Variants in CCDC91 observed in about 807,000 individuals in gnomAD.
The protein encoded by CCDC91 is coiled-coil domain-containing protein 91.
In CCDC91, 48 loss-of-function variants were observed where a neutral mutation model predicts 63.2. That is an observed-to-expected ratio of 0.76 (90% CI 0.60 to 0.97). The LOEUF (loss-of-function observed/expected upper bound fraction) is 0.97. CCDC91 is among the 50% of genes least tolerant of loss of function. CCDC91 has a pLI of 0.00. For missense variants in CCDC91, 500 were observed against 494.6 expected (o/e 1.01, Z -0.10); for synonymous variants, 167 against 165.8 (o/e 1.01, Z -0.06).
intron 7 of CCDC91, among the ~76,000 whole-genome samples, chr12:28,387,912 A>G (rs1328444755): frequency 6.6e-6 from 1 of 152,142 alleles, no homozygotes; most frequent in African/African-American, 2.4e-5. Context: ...CAGTAGTGGT[A>G]TTGCTGGATC....
At position 28,337,004 on chromosome 12, in the gene CCDC91, G is replaced by A. The variant is rs552148782; in HGVS notation, c.577-25434G>A. 3.3e-5 allele frequency among the ~76,000 whole-genome samples: 5 copies of A among 152,118 alleles called. No homozygotes were observed. In the South Asian group the frequency reaches 1.0e-3, roughly 32 times the overall value. On this transcript the variant is annotated intron_variant, in intron 6 of 12. Transcript: ENST00000536442. ...CTATAATAAAATTGTCAATAGCTCT[G>A]TGTTTCATCCTGATGATATGCAAAA...
At chr12:28,416,926 C>A (rs1432924514) in intron 8 of CCDC91, among the ~76,000 whole-genome samples, 3 of 152,076 alleles carry the variant, frequency 2.0e-5, no homozygotes, top group Non-Finnish European at 2.9e-5. Flanking sequence ...GAATTGACCA[C>A]TTCCTATTGG....
At chr12:28,201,516 C>T (rs5747454) in intron 1 of CCDC91, among the ~76,000 whole-genome samples, 9 of 136,964 alleles carry the variant, frequency 6.6e-5, no homozygotes, top group East Asian at 4.0e-4. Flanking sequence ...GGATGGCGGC[C>T]GGGCAGAGAC....
chr12:28,370,447 C>T (rs1458037404), intron 7 of CCDC91, among the ~76,000 whole-genome samples: 2 of 152,186 alleles, frequency 1.3e-5, no homozygotes, highest in Admixed American at 6.5e-5. Context: ...ACCACCTCAG[C>T]GTGGGCTTCA....
intron 11 of CCDC91, among the ~76,000 whole-genome samples, chr12:28,463,136 G>A (rs117144616): frequency 0.016 from 2,437 of 152,260 alleles, 39 homozygotes; most frequent in South Asian, 0.095. Flanking sequence ...GTGAACTACA[G>A]AAATATGTCA....
intron 12 of CCDC91, among the ~76,000 whole-genome samples, chr12:28,539,525 T>G (rs530162304): frequency 6.6e-6 from 1 of 152,320 alleles, no homozygotes; most frequent in East Asian, 1.9e-4. Context: ...TAGTATAGTT[T>G]GAAGTCAGGT....
chr12:28,258,722 T>C (rs1376062717), intron 2 of CCDC91, among the ~76,000 whole-genome samples: 1 of 151,992 alleles, frequency 6.6e-6, no homozygotes, highest in Non-Finnish European at 1.5e-5. Flanking sequence ...AGAATACACA[T>C]TGAAATTCTG....
chr12:28,440,599 G>T (rs569036315), intron 8 of CCDC91, among the ~76,000 whole-genome samples: 1 of 152,220 alleles, frequency 6.6e-6, no homozygotes, highest in Admixed American at 6.5e-5. Context: ...TTGAAAACTT[G>T]AAAACTTCTG....
intron 12 of CCDC91, among the ~76,000 whole-genome samples, chr12:28,526,540 G>A (rs192536048): frequency 8.6e-4 from 130 of 152,044 alleles, no homozygotes; most frequent in Non-Finnish European, 3.7e-4. Context: ...TTAAAATTCT[G>A]TCCTCCATCT....
At chr12:28,268,089 A>G (rs1425894033) in intron 3 of CCDC91, among the ~76,000 whole-genome samples, 2 of 149,084 alleles carry the variant, frequency 1.3e-5, no homozygotes, top group Non-Finnish European at 3.0e-5. Context: ...TTTGAGACAG[A>G]GTCTTGCTCT....
chr12:28,204,812 A>G (rs372640073), intron 1 of CCDC91, among the ~76,000 whole-genome samples: 1 of 152,210 alleles, frequency 6.6e-6, no homozygotes, highest in Non-Finnish European at 1.5e-5. Context: ...ATTCTTCTGT[A>G]GCGTCTAGTT....
At chr12:28,271,790 T>C (rs941005789) in intron 3 of CCDC91, among the ~76,000 whole-genome samples, 8 of 151,488 alleles carry the variant, frequency 5.3e-5, no homozygotes, top group African/African-American at 1.7e-4. Flanking sequence ...ATTTGAAATT[T>C]ATTAATTTAT....
chr12:28,264,450 A>G (rs1023017721), intron 3 of CCDC91, among the ~76,000 whole-genome samples: 2 of 151,246 alleles, frequency 1.3e-5, no homozygotes, highest in African/African-American at 4.8e-5. Flanking sequence ...AAGGCTAGTA[A>G]TGCTCTACTT....
chr12:28,217,461 G>A (rs952318288), intron 1 of CCDC91, among the ~76,000 whole-genome samples: 14 of 152,020 alleles, frequency 9.2e-5, no homozygotes, highest in African/African-American at 3.4e-4. Context: ...GACTTCAGAT[G>A]TTTTCCCATG....
chr12:28,281,716 TTAGAG>T (rs1948618696), intron 3 of CCDC91, among the ~76,000 whole-genome samples: 1 of 152,134 alleles, frequency 6.6e-6, no homozygotes, highest in Admixed American at 6.6e-5. Context: ...AACAGTGTTG[TTAGAG>T]TAGTGTATAG....
intron 3 of CCDC91, among the ~76,000 whole-genome samples, chr12:28,264,619 G>GTGTGTGTGTGTA (rs1314836532): frequency 6.6e-6 from 1 of 150,516 alleles, no homozygotes; most frequent in African/African-American, 2.4e-5. Flanking sequence ...GTGTGTGTGT[G>GTGTGTGTGTGTA]TATTCTGATT....
At chr12:28,544,912 C>A (rs139039923) in intron 12 of CCDC91, among the ~76,000 whole-genome samples, 1 of 151,932 alleles carries the variant, frequency 6.6e-6, no homozygotes, top group South Asian at 2.1e-4. Context: ...CATGCTATTT[C>A]CCCCCACAAG....
chr12:28,242,866 TC>T (rs1945438480), intron 1 of CCDC91, among the ~76,000 whole-genome samples: 1 of 152,004 alleles, frequency 6.6e-6, no homozygotes, highest in African/African-American at 2.4e-5. Context: ...TATCCTGAGA[TC>T]TGGTTTAAAA....
intron 8 of CCDC91, among the ~76,000 whole-genome samples, chr12:28,435,817 T>C (rs1592667726): frequency 6.6e-6 from 1 of 151,838 alleles, no homozygotes; most frequent in African/African-American, 2.4e-5. Context: ...CAAATTGTTA[T>C]GTCTTTTTGG....
Sources: gnomAD v4.1 joint callset for allele counts (sites outside exome capture counted in the v4.1 genomes callset) on GRCh38, gnomAD v4.1.1 for gene constraint, MANE v1.5 for transcripts, NCBI Gene and HGNC (gene_info 2026-07-23, HGNC 2026-07-21) for gene names.